The following ADAMTS14 variants were observed in gnomAD, a reference collection of about 807,000 sequenced individuals.
ADAMTS14 encodes ADAM metallopeptidase with thrombospondin type 1 motif 14, also known as A disintegrin and metalloproteinase with thrombospondin motifs 14.
ADAMTS14 carries 100 observed loss-of-function variants against 128.6 expected under a neutral mutation model. The observed-to-expected ratio is 0.78, with a 90% CI of 0.66 to 0.92. ADAMTS14 has a LOEUF of 0.92. Among genes scored for constraint, ADAMTS14 ranks in the 40% least tolerant of loss-of-function variants. ADAMTS14 has a pLI of 0.00. For synonymous variants in ADAMTS14, 665 were observed against 653.8 expected (o/e 1.02, Z -0.26); for missense variants, 1,562 against 1,658.6 (o/e 0.94, Z 1.01).
At chr10:70,709,431 T>TC (rs1380208564) in intron 4 of ADAMTS14, among the ~76,000 whole-genome samples, 1 of 149,132 alleles carries the variant, frequency 6.7e-6, no homozygotes, top group Non-Finnish European at 1.5e-5. Flanking sequence ...GTAGTTTTTT[T>TC]TTAAGTGTTT....
rs1237040060 is a variant in ADAMTS14 at position 70,729,324 on chromosome 10, G to A, written c.901G>A (p.Gly301Arg). 3 of 1,613,884 alleles carry A rather than the reference G, an allele frequency of 1.9e-6. No individual in the cohort carries two copies. Residue 301 changes from glycine to arginine, a missense_variant, in exon 5 of 22, where the codon GGG becomes AGG. Coordinates refer to ENST00000373207, the MANE Select transcript of ADAMTS14 (RefSeq NM_080722.4). ...VDEIYHDESL[G>R]VHINIALVRL... ...TGAGATTTACCACGATGAGTCCCTGGGGGTTCATATAAATATTGCCCTCGT... is the reference window on the plus strand; with the variant it reads ...TGAGATTTACCACGATGAGTCCCTGAGGGTTCATATAAATATTGCCCTCGT...
At chr10:70,718,843 T>TTTC (rs996040114) in intron 4 of ADAMTS14, among the ~76,000 whole-genome samples, 2 of 151,720 alleles carry the variant, frequency 1.3e-5, no homozygotes, top group South Asian at 2.1e-4. Flanking sequence ...CTTGCCTAAT[T>TTTC]TTCTTCTTCT....
intron 2 of ADAMTS14, among the ~76,000 whole-genome samples, chr10:70,680,033 A>G (rs1839756650): frequency 6.6e-6 from 1 of 152,246 alleles, no homozygotes; most frequent in African/African-American, 2.4e-5. Flanking sequence ...TGGTTACACA[A>G]TTCTGAGAAT....
intron 12 of ADAMTS14, 122 bp downstream of exon 12, chr10:70,741,284 C>A: frequency 8.3e-7 from 1 of 1,206,428 alleles, no homozygotes; most frequent in East Asian, 2.6e-5. Flanking sequence ...GTGGGGGTGC[C>A]AAAAGGGACA....
intron 6 of ADAMTS14, among the ~76,000 whole-genome samples, chr10:70,731,064 C>CCACACACACACACACA (rs56903140): frequency 0.013 from 1,917 of 145,738 alleles, 28 homozygotes; most frequent in African/African-American, 0.04. Flanking sequence ...GTTTTACACA[C>CCACACACACACACACA]CACACACACA....
chr10:70,678,086 A>G (rs1839698875), intron 2 of ADAMTS14, among the ~76,000 whole-genome samples: 1 of 152,244 alleles, frequency 6.6e-6, no homozygotes. Context: ...CCTGTGGCCC[A>G]GACACAGCAT....
rs58429117 is a variant in ADAMTS14, at chr10:70,736,296, A to G, written c.1486-384A>G. Reference sequence around the variant, plus strand: ...GTGGGGGGGGTCTGGGCTGGAAAGCAGCAGTCCCCTTAATTCTCCCCATGT... The same window carrying G: ...GTGGGGGGGGTCTGGGCTGGAAAGCGGCAGTCCCCTTAATTCTCCCCATGT... On this transcript the variant is annotated intron_variant, in intron 9 of 21. Coordinates refer to ENST00000373207, the MANE Select transcript of ADAMTS14 (RefSeq NM_080722.4). Among the ~76,000 whole-genome samples, 904 of 152,130 alleles carry G rather than the reference A, an allele frequency of 5.9e-3. 3 individuals are homozygous for G. The highest frequency in any genetic ancestry group is 0.021 in the African/African-American group (858 of 41,492).
intron 12 of ADAMTS14, among the ~76,000 whole-genome samples, chr10:70,742,143 G>T (rs558407307): frequency 2.6e-5 from 4 of 152,310 alleles, no homozygotes; most frequent in African/African-American, 4.8e-5. Flanking sequence ...CTTGCAGGGG[G>T]TGTCTTCTCT....
In ADAMTS14 at chr10:70,757,977, G is replaced by A. The variant is rs1394163073; in HGVS notation, c.2953G>A (p.Gly985Arg). 2 of 1,611,844 alleles carry A rather than the reference G, an allele frequency of 1.2e-6. No individual in the cohort carries two copies. The highest frequency in any genetic ancestry group is 1.3e-5 in the African/African-American group (1 of 74,918). Residue 985 changes from glycine (G) to arginine (R), a missense_variant, in exon 20 of 22, where the codon GGA becomes AGA. Transcript: ENST00000373207. ...GAWSQCSATC[G>R]EGIQQRQVVC... is the part of the protein sequence containing the mutation. ...CCCACGGCAGTGCTCTGCCACCTGT[G>A]GAGAGGGCATCCAGCAGCGGCAGGT...
At chr10:70,736,201 A>T (rs1476536619) in intron 9 of ADAMTS14, among the ~76,000 whole-genome samples, 1 of 152,208 alleles carries the variant, frequency 6.6e-6, no homozygotes, top group Non-Finnish European at 1.5e-5. Context: ...ACGTAAGGTC[A>T]TCAACCTCTG....
At position 70,758,177 on chromosome 10, in the gene ADAMTS14, A is replaced by C. The variant is rs1450077759; in HGVS notation, c.3070A>C (p.Asn1024His). The change falls in exon 21 of 22, where the codon AAT becomes CAT. Residue 1024 changes from asparagine to histidine, a missense_variant and splice_region_variant. Asn to His is a moderately conservative substitution (Grantham distance 68). Coordinates refer to ENST00000373207, the MANE Select transcript of ADAMTS14 (RefSeq NM_080722.4). Reference sequence around the variant, plus strand: ...GAATTGCTTCTTCCTGCTCACAGGAAATCACCAGAACTCCACGGTGAGGGC... The same window carrying C: ...GAATTGCTTCTTCCTGCTCACAGGACATCACCAGAACTCCACGGTGAGGGC... Reference protein sequence around the residue: ...QVCSLPACGGNHQNSTVRADV... With the variant: ...QVCSLPACGGHHQNSTVRADV... 4 of 1,613,974 alleles carry C rather than the reference A, an allele frequency of 2.5e-6. No homozygotes were observed. Among genetic ancestry groups the C allele is most frequent in the East Asian group, 4.5e-5 (2 of 44,894 alleles).
chr10:70,678,910 T>C (rs1458587362), intron 2 of ADAMTS14, among the ~76,000 whole-genome samples: 1 of 151,838 alleles, frequency 6.6e-6, no homozygotes, highest in Non-Finnish European at 1.5e-5. Flanking sequence ...ACATTGTGGT[T>C]AATTCATGCC....
In ADAMTS14 at chr10:70,753,830, C is replaced by T; in HGVS notation, c.2760C>T (p.Ser920=). Residue 920 remains serine, a synonymous_variant, in exon 19 of 22, where the codon AGC becomes AGT. Coordinates refer to ENST00000373207, the MANE Select transcript of ADAMTS14 (RefSeq NM_080722.4). ...VWVTEEWGAC[S]RSCGKLGVQT... is the part of the protein sequence containing the mutation. ...TGACGGAGGAGTGGGGTGCCTGCAG[C>T]CGGAGCTGTGGGAAGCTGGGGGTGC... 6.3e-7 allele frequency: 1 copy of T among 1,589,580 alleles called. No homozygotes were observed. Among genetic ancestry groups the T allele is most frequent in the Non-Finnish European group, 8.6e-7 (1 of 1,168,950 alleles).
intron 2 of ADAMTS14, 39 bp downstream of exon 2, chr10:70,675,034 T>C (rs1275573465): frequency 6.3e-7 from 1 of 1,593,032 alleles, no homozygotes. Context: ...ATCCTCCCCC[T>C]CCCATGCCCT....
At chr10:70,718,093 G>A (rs1841114288) in intron 4 of ADAMTS14, among the ~76,000 whole-genome samples, 1 of 152,200 alleles carries the variant, frequency 6.6e-6, no homozygotes, top group Admixed American at 6.5e-5. Context: ...GTTTGCCCTT[G>A]ACATGCATTA....
chr10:70,730,175 A>T lies in ADAMTS14; in HGVS notation c.1028A>T (p.Gln343Leu). 1 of 1,613,786 alleles carries T rather than the reference A, an allele frequency of 6.2e-7. No homozygotes were observed. The highest frequency in any genetic ancestry group is 2.2e-5 in the East Asian group (1 of 44,886). ...GTGTGTCGCTGGGCACACTCCCAGC[A>T]GCGCCAGGACCCCAGCCACGCTGAG... ...EQVCRWAHSQ[Q>L]RQDPSHAEHH... Residue 343 changes from glutamine to leucine, a missense_variant, in exon 6 of 22, where the codon CAG becomes CTG. By Grantham distance (113) the Gln-to-Leu change is moderately radical (BLOSUM62 -2). Transcript: ENST00000373207.
intron 2 of ADAMTS14, among the ~76,000 whole-genome samples, chr10:70,688,210 C>T (rs1398540139): frequency 3.7e-4 from 17 of 45,706 alleles, no homozygotes; most frequent in Admixed American, 4.9e-4. Flanking sequence ...CGGGCAGAGG[C>T]GCTCCTCACA....
intron 19 of ADAMTS14, among the ~76,000 whole-genome samples, chr10:70,755,050 G>C (rs999816123): frequency 3.3e-5 from 5 of 152,184 alleles, no homozygotes; most frequent in Admixed American, 2.0e-4. Flanking sequence ...GGAGGCTGAG[G>C]TGGGCAGATC....
chr10:70,692,791 G>C (rs901817537), intron 2 of ADAMTS14, among the ~76,000 whole-genome samples: 1 of 152,136 alleles, frequency 6.6e-6, no homozygotes, highest in Admixed American at 6.5e-5. Context: ...GTCCCCTTTT[G>C]GGGGGTAAGG....
Sources: gnomAD v4.1 joint callset for allele counts (sites outside exome capture counted in the v4.1 genomes callset) on GRCh38, gnomAD v4.1.1 for gene constraint, MANE v1.5 for transcripts, NCBI Gene and HGNC (gene_info 2026-07-23, HGNC 2026-07-21) for gene names.